TTC19: variants seen among roughly 807,000 people sequenced by gnomAD.
TTC19 encodes tetratricopeptide repeat protein 19, mitochondrial.
TTC19 carries 38 observed loss-of-function variants against 49.5 expected under a neutral mutation model. That is an observed-to-expected ratio of 0.77 (90% CI 0.59 to 1.01). TTC19 has a LOEUF of 1.01. Ranked by LOEUF, TTC19 falls within the 50% of genes least tolerant of loss-of-function variation. The pLI, the probability that TTC19 is intolerant of heterozygous loss-of-function variation, is 0.00. For synonymous variants in TTC19, 204 were observed against 185.2 expected (o/e 1.10, Z -0.83); for missense variants, 475 against 477.7 (o/e 0.99, Z 0.05).
rs1223117831 is a variant in TTC19 at position 16,001,962 on chromosome 17, T to C, written c.360T>C (p.His120=). The C allele has an allele frequency of 6.2e-7, 1 of 1,613,524 alleles. No homozygotes were observed. Residue 120 remains histidine, a synonymous_variant, in exon 3 of 10, where the codon CAT becomes CAC. Coordinates refer to ENST00000261647, the MANE Select transcript of TTC19 (RefSeq NM_017775.4). ...DEPEEAELIL[H]DALRLAYQTD... ...CAGAAGAGGCTGAGTTAATTTTGCA[T>C]GACGCTCTTCGTCTCGCCTATCAGA...
chr17:16,043,013 A>C lies in TTC19; in HGVS notation c.248-1490A>C, dbSNP rs115711978. Among the ~76,000 whole-genome samples the C allele has an allele frequency of 9.4e-3, 1,430 of 152,260 alleles. 27 individuals carry two copies. Among genetic ancestry groups the C allele is most frequent in the African/African-American group, 0.032 (1,344 of 41,544 alleles). ...GGCTAAGAAGTGAGCCCTGGGGAAA[A>C]CTAACAATCAAGGGCCAGGCAAAGC... On this transcript the variant is annotated intron_variant, in intron 2 of 2. Transcript: ENST00000470649.
chr17:16,010,365 G>A (rs948915410), intron 7 of TTC19, among the ~76,000 whole-genome samples: 13 of 150,520 alleles, frequency 8.6e-5, no homozygotes, highest in Non-Finnish European at 1.9e-4. Context: ...GTAGAGACAG[G>A]GTTTCACCAT....
intron 1 of TTC19, 25 bp downstream of exon 1, chr17:16,000,057 C>CCGGCCGGGCGGGGA: frequency 7.8e-7 from 1 of 1,288,832 alleles, no homozygotes; most frequent in South Asian, 2.2e-5. Flanking sequence ...CCGGGCGGGG[C>CCGGCCGGGCGGGGA]CGGCCGGGCG....
In TTC19 at chr17:16,002,036, TA is replaced by T; in HGVS notation, c.423+13del. On this transcript the variant is annotated intron_variant, in intron 3 of 9. Coordinates refer to ENST00000261647, the MANE Select transcript of TTC19 (RefSeq NM_017775.4). Reference sequence around the variant, plus strand: ...TACACTTATGATTTGGTAACTCTTATAACCAGTCTGAACCACTGATGAGGAA... The same window carrying T: ...TACACTTATGATTTGGTAACTCTTATACCAGTCTGAACCACTGATGAGGAA... 1 of 1,585,374 alleles carries T rather than the reference TA, an allele frequency of 6.3e-7. No homozygotes were observed. Among genetic ancestry groups the T allele is most frequent in the Non-Finnish European group, 8.6e-7 (1 of 1,157,170 alleles).
At chr17:16,018,259 G>A (rs1971272900) in intron 7 of TTC19, among the ~76,000 whole-genome samples, 1 of 149,892 alleles carries the variant, frequency 6.7e-6, no homozygotes, top group Admixed American at 6.7e-5. Flanking sequence ...AGTCCCTGGT[G>A]AACCTTCATT....
chr17:16,013,963 A>G (rs776709339), intron 7 of TTC19, among the ~76,000 whole-genome samples: 8 of 152,210 alleles, frequency 5.3e-5, no homozygotes, highest in Non-Finnish European at 8.8e-5. Context: ...CAGTTCAGCA[A>G]TAGGGAGCAG....
intron 4 of TTC19, among the ~76,000 whole-genome samples, chr17:16,003,073 C>T (rs1243513903): frequency 6.6e-6 from 1 of 152,074 alleles, no homozygotes; most frequent in Non-Finnish European, 1.5e-5. Flanking sequence ...TAAGATAAGC[C>T]CTCCTCTGCC....
chr17:16,015,331 AAACATT>A (rs1971183307), intron 7 of TTC19, among the ~76,000 whole-genome samples: 1 of 152,168 alleles, frequency 6.6e-6, no homozygotes, highest in East Asian at 1.9e-4. Context: ...CTAAAAACAT[AAACATT>A]AATAAATATC....
intron 2 of TTC19, among the ~76,000 whole-genome samples, chr17:16,037,983 T>G (rs1349750848): frequency 6.6e-6 from 1 of 152,166 alleles, no homozygotes; most frequent in Non-Finnish European, 1.5e-5. Flanking sequence ...GTCACCAGTC[T>G]TATAACCTTA....
chr17:16,020,486 T>C (rs1020616135), intron 7 of TTC19, among the ~76,000 whole-genome samples: 1 of 152,224 alleles, frequency 6.6e-6, no homozygotes, highest in Admixed American at 6.5e-5. Flanking sequence ...TAAAAATTTG[T>C]ATATTAACAG....
chr17:16,032,705 G>A (rs1402892843), downstream of TTC19, among the ~76,000 whole-genome samples: 1 of 152,216 alleles, frequency 6.6e-6, no homozygotes, highest in Non-Finnish European at 1.5e-5. Context: ...AGTAACATGA[G>A]TAGCATATGA....
downstream of TTC19, chr17:16,030,264 G>T (rs530794033): frequency 3.5e-5 from 8 of 227,912 alleles, no homozygotes; most frequent in East Asian, 5.1e-4. Flanking sequence ...TGTTGAATAG[G>T]CTGAGGATGA....
At chr17:16,032,200 GTC>G, downstream of TTC19, 3 of 1,255,334 alleles carry the variant, frequency 2.4e-6, no homozygotes, top group Non-Finnish European at 3.2e-6. Flanking sequence ...CAGGGAATAA[GTC>G]ACAGGAGGGC....
chr17:16,041,106 CTG>C (rs1284603437), intron 2 of TTC19: 1 of 152,306 alleles, frequency 6.6e-6, no homozygotes, highest in Non-Finnish European at 1.5e-5. Flanking sequence ...ATGAAAATGA[CTG>C]TGTTTCCCTG....
At chr17:16,004,136 G>T in intron 5 of TTC19, 65 bp from the exon 6 acceptor site, 1 of 1,488,108 alleles carries the variant, frequency 6.7e-7, no homozygotes, top group South Asian at 1.1e-5. Flanking sequence ...TCTGGAAGTT[G>T]ATCTGAAATA....
At chr17:16,027,285 C>T in intron 9 of TTC19, 89 bp from the exon 10 acceptor site, 1 of 1,472,512 alleles carries the variant, frequency 6.8e-7, no homozygotes, top group South Asian at 1.2e-5. Context: ...AGTAAATTAG[C>T]CCTATATCTG....
intron 9 of TTC19, chr17:16,027,060 C>T: frequency 2.0e-6 from 1 of 508,444 alleles, no homozygotes; most frequent in Non-Finnish European, 3.6e-6. Flanking sequence ...TTTTGTCAGA[C>T]ATTTCTTAGT....
chr17:16,041,409 T>TC (rs960908290), intron 2 of TTC19: 21 of 146,268 alleles, frequency 1.4e-4, no homozygotes, highest in African/African-American at 5.4e-4. Flanking sequence ...AAGTTCTTTT[T>TC]TTTTTTTTTT....
At chr17:16,022,232 CAG>C (rs767960655) in intron 7 of TTC19, among the ~76,000 whole-genome samples, 6 of 152,226 alleles carry the variant, frequency 3.9e-5, no homozygotes, top group Non-Finnish European at 8.8e-5. Flanking sequence ...TGTCAACTCA[CAG>C]ACTCTCCACT....
Sources: allele counts gnomAD v4.1 joint callset (sites outside exome capture counted in the v4.1 genomes callset), GRCh38; gene constraint gnomAD v4.1.1; transcripts MANE v1.5; gene names NCBI Gene and HGNC (gene_info 2026-07-23, HGNC 2026-07-21).